LINGO2: variants seen among roughly 807,000 people sequenced by gnomAD.
LINGO2 encodes the protein leucine-rich repeat and immunoglobulin-like domain-containing nogo receptor-interacting protein 2.
LINGO2 carries 14 observed loss-of-function variants against 30.6 expected under a neutral mutation model. The ratio of observed to expected loss-of-function variants is 0.46; its 90% CI spans 0.30 to 0.72. The LOEUF (loss-of-function observed/expected upper bound fraction) is 0.72. LINGO2 is among the 30% of genes least tolerant of loss of function. The pLI is 0.07. For synonymous variants in LINGO2, 317 were observed against 288.5 expected (o/e 1.10, Z -1.00); for missense variants, 729 against 751.7 (o/e 0.97, Z 0.35).
chr9:28,972,211 A>C, the LINGO2 span, among the ~76,000 whole-genome samples: 1 of 152,358 alleles, frequency 6.6e-6, no homozygotes, highest in African/African-American at 2.4e-5. Flanking sequence ...ACACTGTAAT[A>C]TATGCCTAAC....
chr9:28,309,499 T>G (rs4642742), intron 3 of LINGO2, among the ~76,000 whole-genome samples: 144,858 of 151,646 alleles, frequency 0.96, 69,294 homozygotes, highest in Middle Eastern at 0.99. Flanking sequence ...GAGTTAATGG[T>G]TGCAGCACAC....
chr9:28,590,678 G>T (rs1824842916), intron 1 of LINGO2, among the ~76,000 whole-genome samples: 1 of 152,100 alleles, frequency 6.6e-6, no homozygotes, highest in Non-Finnish European at 1.5e-5. Context: ...GAGAGGATGT[G>T]GAGAAATAGG....
chr9:29,123,989 C>G, the LINGO2 span, among the ~76,000 whole-genome samples: 823 of 152,236 alleles, frequency 5.4e-3, 11 homozygotes, highest in African/African-American at 0.019. Context: ...CTGGAGGCAT[C>G]ATTCTACCTG....
chr9:28,846,069 T>C, the LINGO2 span, among the ~76,000 whole-genome samples: 2 of 151,510 alleles, frequency 1.3e-5, no homozygotes, highest in African/African-American at 4.9e-5. Context: ...AAACACTGGA[T>C]CATGAGTTTT....
chr9:28,462,984 C>T (rs79792899), intron 2 of LINGO2, among the ~76,000 whole-genome samples: 1,925 of 152,160 alleles, frequency 0.013, 34 homozygotes, highest in African/African-American at 0.044. Flanking sequence ...GAACTACATA[C>T]AGGGTTAAAT....
intron 1 of LINGO2, among the ~76,000 whole-genome samples, chr9:28,517,143 G>A (rs138500924): frequency 1.1e-4 from 17 of 152,228 alleles, no homozygotes; most frequent in South Asian, 8.3e-4. Context: ...TCATTCATTC[G>A]TCTTCACTTA....
chr9:28,947,504 T>C, the LINGO2 span, among the ~76,000 whole-genome samples: 1 of 152,018 alleles, frequency 6.6e-6, no homozygotes, highest in African/African-American at 2.4e-5. Flanking sequence ...ATAATGTACA[T>C]ACACATAGTG....
chr9:28,316,694 C>T (rs1042798311), intron 3 of LINGO2, among the ~76,000 whole-genome samples: 1 of 152,078 alleles, frequency 6.6e-6, no homozygotes, highest in Non-Finnish European at 1.5e-5. Flanking sequence ...CACAGAGTGT[C>T]TTAAGCAGAA....
At chr9:28,634,751 G>C (rs1252034830) in intron 1 of LINGO2, among the ~76,000 whole-genome samples, 1 of 152,072 alleles carries the variant, frequency 6.6e-6, no homozygotes, top group Non-Finnish European at 1.5e-5. Context: ...CTCCCGAAGT[G>C]CTAGGATTAC....
intron 3 of LINGO2, among the ~76,000 whole-genome samples, chr9:28,371,992 C>T (rs540199400): frequency 1.8e-4 from 27 of 151,916 alleles, no homozygotes; most frequent in Non-Finnish European, 3.2e-4. Context: ...AAACAATGTA[C>T]GAAGAGAGGA....
chr9:28,465,418 T>C (rs532126079), intron 2 of LINGO2, among the ~76,000 whole-genome samples: 1 of 152,254 alleles, frequency 6.6e-6, no homozygotes, highest in South Asian at 2.1e-4. Context: ...TTCTTTTGTG[T>C]GTGTGCGCTG....
intron 4 of LINGO2, among the ~76,000 whole-genome samples, chr9:28,178,592 C>T (rs1828812766): frequency 6.6e-6 from 1 of 152,112 alleles, no homozygotes; most frequent in African/African-American, 2.4e-5. Context: ...AGGAAATTAT[C>T]TTCTCAATGT....
At chr9:28,972,090 G>A in the LINGO2 span, among the ~76,000 whole-genome samples, 1 of 152,228 alleles carries the variant, frequency 6.6e-6, no homozygotes, top group Non-Finnish European at 1.5e-5. Flanking sequence ...GCATTACTGC[G>A]CTTGGGGTGC....
intron 3 of LINGO2, among the ~76,000 whole-genome samples, chr9:28,322,746 T>C (rs1226621992): frequency 6.6e-6 from 1 of 152,190 alleles, no homozygotes; most frequent in Non-Finnish European, 1.5e-5. Flanking sequence ...CAGCAGAATA[T>C]ATTTTCTCTC....
Position 28,521,520 on chromosome 9 carries a change from T to G in LINGO2, c.-364-45495A>C, listed in dbSNP as rs552758606. 2.4e-4 allele frequency among the ~76,000 whole-genome samples: 37 copies of G among 152,282 alleles called. 1 individual carries two copies. The highest frequency in any genetic ancestry group is 2.1e-3 in the South Asian group (10 of 4,828). On this transcript the variant is annotated intron_variant, in intron 1 of 5. Transcript: ENST00000379992. ...TGGTAGGCCTGTGGCAGCCAATTAG[T>G]CATGTTCTTCCCCCCATTTTTCCTT...
the LINGO2 span, among the ~76,000 whole-genome samples, chr9:28,691,779 T>C: frequency 1.3e-5 from 2 of 152,178 alleles, no homozygotes; most frequent in Non-Finnish European, 2.9e-5. Flanking sequence ...TGTGTACTAA[T>C]AGGAATGCAT....
intron 4 of LINGO2, among the ~76,000 whole-genome samples, chr9:28,103,848 TC>T (rs1826488842): frequency 1.3e-5 from 2 of 152,288 alleles, no homozygotes; most frequent in East Asian, 3.9e-4. Context: ...CCCAGAGAGT[TC>T]ATTTAAACTT....
chr9:29,175,747 G>C, the LINGO2 span, among the ~76,000 whole-genome samples: 4 of 151,764 alleles, frequency 2.6e-5, no homozygotes, highest in African/African-American at 4.8e-5. Flanking sequence ...GGATGGTCTC[G>C]ATCTCCTGAC....
rs1554720107 is a variant in LINGO2, at chr9:28,430,109, C to CACGTGTGT, written c.-279+45830_-279+45831insACACACGT. Among the ~76,000 whole-genome samples the CACGTGTGT allele has an allele frequency of 3.3e-3, 448 of 136,204 alleles. 2 individuals carry two copies. Among genetic ancestry groups the CACGTGTGT allele is most frequent in the African/African-American group, 0.011 (424 of 38,074 alleles). The allele number at this position is 136,204 out of a possible 152,430, so 89.4% of individuals were successfully genotyped here. A position where few individuals can be genotyped will look rare whatever the true frequency, so the allele number is the denominator to read the frequency against. ...AGGCTGATTTCCACGCGCGCGCGCG[C>CACGTGTGT]GTGTGTGTGTGTGTGTGTGTGATTC... On this transcript the variant is annotated intron_variant, in intron 2 of 5. Transcript: ENST00000379992.
Sources: gnomAD v4.1 joint callset for allele counts (sites outside exome capture counted in the v4.1 genomes callset) on GRCh38, gnomAD v4.1.1 for gene constraint, MANE v1.5 for transcripts, NCBI Gene and HGNC (gene_info 2026-07-23, HGNC 2026-07-21) for gene names.